The following STXBP3 variants were observed in gnomAD, a reference collection of about 807,000 sequenced individuals.
The protein encoded by STXBP3 is syntaxin binding protein 3, also known as syntaxin-binding protein 3.
A neutral mutation model predicts 85.7 loss-of-function variants in STXBP3; 41 were observed. That is an observed-to-expected ratio of 0.48 (90% confidence interval 0.37 to 0.62). The LOEUF (loss-of-function observed/expected upper bound fraction) is 0.62. Ranked by LOEUF, STXBP3 falls within the 20% of genes least tolerant of loss-of-function variation. STXBP3 has a pLI of 0.00. For missense variants in STXBP3, 563 were observed against 703.1 expected (o/e 0.80, Z 2.25); for synonymous variants, 229 against 231.7 (o/e 0.99, Z 0.10).
At chr1:108,797,885 A>G (rs573885204) in intron 15 of STXBP3, among the ~76,000 whole-genome samples, 1 of 152,192 alleles carries the variant, frequency 6.6e-6, no homozygotes, top group East Asian at 1.9e-4. Flanking sequence ...ACAGCCATCA[A>G]GTTTTATAAT....
At chr1:108,775,823 G>A (rs532535454) in intron 7 of STXBP3, among the ~76,000 whole-genome samples, 5 of 151,908 alleles carry the variant, frequency 3.3e-5, no homozygotes, top group Non-Finnish European at 5.9e-5. Context: ...TAGAGGAATC[G>A]ATACATAGAA....
intron 6 of STXBP3, among the ~76,000 whole-genome samples, chr1:108,765,529 CAA>C (rs1662242356): frequency 6.7e-6 from 1 of 149,272 alleles, no homozygotes; most frequent in South Asian, 2.1e-4. Flanking sequence ...GCTCACTGTG[CAA>C]AGGTGTGAAA....
chr1:108,793,742 A>G (rs1268570977), intron 12 of STXBP3, 95 bp downstream of exon 12: 4 of 1,027,254 alleles, frequency 3.9e-6, no homozygotes, highest in Non-Finnish European at 5.8e-6. Context: ...GGTTTCGTGG[A>G]ATACTTGGTG....
At chr1:108,751,809 A>C (rs1661912134) in intron 1 of STXBP3, among the ~76,000 whole-genome samples, 1 of 152,188 alleles carries the variant, frequency 6.6e-6, no homozygotes, top group Non-Finnish European at 1.5e-5. Flanking sequence ...AAATGCTGTG[A>C]TATGTATTGT....
At chr1:108,774,144 T>C (rs1423431772) in intron 7 of STXBP3, among the ~76,000 whole-genome samples, 1 of 152,100 alleles carries the variant, frequency 6.6e-6, no homozygotes, top group Non-Finnish European at 1.5e-5. Context: ...TGCACAACAT[T>C]ATTTTCTGAG....
At chr1:108,767,618 C>G (rs1339110519) in intron 6 of STXBP3, 5 of 153,790 alleles carry the variant, frequency 3.3e-5, no homozygotes. Flanking sequence ...TGCCACGTCG[C>G]TGCCTGCACA....
chr1:108,771,433 G>T (rs1267700143), intron 6 of STXBP3, among the ~76,000 whole-genome samples: 20 of 83,372 alleles, frequency 2.4e-4, no homozygotes, highest in African/African-American at 8.1e-4. Context: ...AAATATATAT[G>T]ATATATATCT....
At chr1:108,760,377 T>C (rs1488652723) in intron 6 of STXBP3, among the ~76,000 whole-genome samples, 1 of 152,078 alleles carries the variant, frequency 6.6e-6, no homozygotes, top group African/African-American at 2.4e-5. Flanking sequence ...GTTAGATGAC[T>C]CCAAAAAAAG....
chr1:108,782,140 C>T (rs760842637), intron 9 of STXBP3: 29 of 295,988 alleles, frequency 9.8e-5, no homozygotes, highest in Middle Eastern at 9.8e-4. Flanking sequence ...AACTGTAGGA[C>T]GTTGAATTTT....
At chr1:108,756,338 A>G (rs953527691) in intron 3 of STXBP3, among the ~76,000 whole-genome samples, 1 of 152,094 alleles carries the variant, frequency 6.6e-6, no homozygotes, top group African/African-American at 2.4e-5. Flanking sequence ...GTGTGATTGG[A>G]TAAGTTACTT....
intron 1 of STXBP3, among the ~76,000 whole-genome samples, chr1:108,747,012 G>A (rs1661799045): frequency 7.0e-6 from 1 of 143,496 alleles, no homozygotes; most frequent in African/African-American, 2.6e-5. Context: ...TTGGCGTCGG[G>A]CACCCCCTCG....
In STXBP3 at chr1:108,786,339, G is replaced by A. The variant is rs115270539; in HGVS notation, c.963+3633G>A. ...TCACAAGAACAGCATGGGGGAAACT[G>A]CCCCCATTATTCAGTTATCTCCACT... is the stretch of plus-strand genomic sequence containing the variant. On this transcript the variant is annotated intron_variant, in intron 11 of 18. Coordinates refer to ENST00000370008, the MANE Select transcript of STXBP3 (RefSeq NM_007269.4). Among the ~76,000 whole-genome samples, 1,141 of 152,206 alleles carry A rather than the reference G, an allele frequency of 7.5e-3. 13 individuals carry two copies. Among genetic ancestry groups the A allele is most frequent in the African/African-American group, 0.026 (1,091 of 41,550 alleles).
intron 16 of STXBP3, among the ~76,000 whole-genome samples, chr1:108,799,330 T>C (rs547315749): frequency 2.0e-5 from 3 of 152,354 alleles, no homozygotes; most frequent in East Asian, 1.9e-4. Flanking sequence ...TAGTTTCTTA[T>C]GGCTAGTTTT....
At chr1:108,788,154 TTG>T (rs1488048605) in intron 11 of STXBP3, among the ~76,000 whole-genome samples, 2 of 152,204 alleles carry the variant, frequency 1.3e-5, no homozygotes, top group Admixed American at 6.5e-5. Context: ...CATTTTGATA[TTG>T]TCTTTTTTTC....
intron 6 of STXBP3, among the ~76,000 whole-genome samples, chr1:108,762,331 C>T (rs1450930021): frequency 6.6e-6 from 1 of 152,128 alleles, no homozygotes; most frequent in Non-Finnish European, 1.5e-5. Flanking sequence ...CAGTGGATTA[C>T]ACAACACGGA....
chr1:108,782,272 T>C, intron 9 of STXBP3, 150 bp from the exon 10 acceptor site: 3 of 596,306 alleles, frequency 5.0e-6, no homozygotes, highest in Non-Finnish European at 8.9e-6. Flanking sequence ...GTGCCTTAGT[T>C]TTGAGTAGGT....
chr1:108,782,395 A>G (rs772796166), intron 9 of STXBP3, 27 bp from the exon 10 acceptor site: 1 of 1,529,928 alleles, frequency 6.5e-7, no homozygotes, highest in Admixed American at 2.1e-5. Flanking sequence ...AAAATCAAAA[A>G]GTTTTAGTGC....
At chr1:108,783,556 T>G (rs888740584) in intron 11 of STXBP3, among the ~76,000 whole-genome samples, 1 of 152,252 alleles carries the variant, frequency 6.6e-6, no homozygotes, top group African/African-American at 2.4e-5. Flanking sequence ...TTTGTTCATC[T>G]TGTCTCCTTT....
At chr1:108,772,471 C>CTA (rs1662485521) in intron 6 of STXBP3, among the ~76,000 whole-genome samples, 194 bp from the exon 7 acceptor site, 6 of 140,680 alleles carry the variant, frequency 4.3e-5, no homozygotes, top group African/African-American at 1.3e-4. Flanking sequence ...ATATATCTAT[C>CTA]TGTATAATAT....
Sources: gnomAD v4.1 joint callset for allele counts (sites outside exome capture counted in the v4.1 genomes callset) on GRCh38, gnomAD v4.1.1 for gene constraint, MANE v1.5 for transcripts, NCBI Gene and HGNC (gene_info 2026-07-23, HGNC 2026-07-21) for gene names.